The following MOB3B variants were observed in gnomAD, a reference collection of about 807,000 sequenced individuals.
The protein encoded by MOB3B is MOB kinase activator 3B.
A neutral mutation model predicts 18.7 loss-of-function variants in MOB3B; 7 were observed. The ratio of observed to expected loss-of-function variants is 0.37; its 90% CI spans 0.21 to 0.70. MOB3B has a LOEUF of 0.70. Ranked by LOEUF, MOB3B falls within the 30% of genes least tolerant of loss-of-function variation. The probability of loss-of-function intolerance (pLI) is 0.52; values close to 1 mark genes in which losing one functional copy is unlikely to be tolerated. For synonymous variants in MOB3B, 111 were observed against 99.9 expected (o/e 1.11, Z -0.66); for missense variants, 253 against 281.3 (o/e 0.90, Z 0.72).
chr9:27,372,238 A>G (rs1041289579), intron 2 of MOB3B, among the ~76,000 whole-genome samples: 1 of 152,246 alleles, frequency 6.6e-6, no homozygotes, highest in African/African-American at 2.4e-5. Flanking sequence ...CCAACCTGAA[A>G]GAGCTCCGGA....
intron 2 of MOB3B, among the ~76,000 whole-genome samples, chr9:27,372,651 C>T (rs1036012570): frequency 1.3e-5 from 2 of 152,162 alleles, no homozygotes; most frequent in Admixed American, 1.3e-4. Context: ...TAAGCCCTAT[C>T]TAACCATAAA....
intron 1 of MOB3B, among the ~76,000 whole-genome samples, chr9:27,469,811 C>G (rs377582036): frequency 6.6e-6 from 1 of 152,140 alleles, no homozygotes; most frequent in African/African-American, 2.4e-5. Flanking sequence ...TCGTGCCAGG[C>G]GTGGTAGCTG....
intron 2 of MOB3B, among the ~76,000 whole-genome samples, chr9:27,412,654 C>T (rs1822088229): frequency 6.6e-6 from 1 of 152,078 alleles, no homozygotes; most frequent in South Asian, 2.1e-4. Context: ...AAAAATAAAG[C>T]AAACATTCTT....
chr9:27,384,597 G>A (rs1173281876), intron 2 of MOB3B, among the ~76,000 whole-genome samples: 1 of 152,118 alleles, frequency 6.6e-6, no homozygotes, highest in African/African-American at 2.4e-5. Flanking sequence ...AATTCTTCCA[G>A]AACAATTCCA....
chr9:27,373,348 A>G (rs1157861575), intron 2 of MOB3B, among the ~76,000 whole-genome samples: 1 of 152,194 alleles, frequency 6.6e-6, no homozygotes, highest in African/African-American at 2.4e-5. Context: ...CCCACTATAC[A>G]CCCTTTGTTT....
chr9:27,463,438 A>G (rs1428328116), intron 1 of MOB3B, among the ~76,000 whole-genome samples: 1 of 152,164 alleles, frequency 6.6e-6, no homozygotes, highest in East Asian at 1.9e-4. Flanking sequence ...GTTAAAGAAA[A>G]AAAACAAAAC....
chr9:27,480,547 G>C (rs917976389), intron 1 of MOB3B, among the ~76,000 whole-genome samples: 2 of 152,088 alleles, frequency 1.3e-5, no homozygotes, highest in Non-Finnish European at 2.9e-5. Context: ...TGATCCGACT[G>C]CCTCAGCCTC....
At chr9:27,437,070 G>A (rs539752027) in intron 2 of MOB3B, among the ~76,000 whole-genome samples, 7 of 152,218 alleles carry the variant, frequency 4.6e-5, no homozygotes, top group African/African-American at 1.7e-4. Flanking sequence ...AAGTCCAGCA[G>A]GCAAGGGGAA....
Position 27,515,220 on chromosome 9 carries a change from C to T in MOB3B, c.-199+14335G>A, listed in dbSNP as rs547747725. Among the ~76,000 whole-genome samples, 9 of 152,252 alleles carry T rather than the reference C, an allele frequency of 5.9e-5. No individual in the cohort carries two copies. In the South Asian group the frequency reaches 8.3e-4, roughly 14 times the overall value. ...TGTTGTTTTCCCTCAATTCTGATTT[C>T]GTTAACTAATCTTTGTTCTCTTGTA... On this transcript the variant is annotated intron_variant, in intron 1 of 3. Coordinates refer to ENST00000262244, the MANE Select transcript of MOB3B (RefSeq NM_024761.5).
At chr9:27,524,362 A>G in intron 1 of MOB3B, 1 of 1,612,632 alleles carries the variant, frequency 6.2e-7, no homozygotes, top group Non-Finnish European at 8.5e-7. Context: ...GATATGATTC[A>G]AAAGTGTTTG....
At chr9:27,397,378 C>G (rs999012811) in intron 2 of MOB3B, 1 of 151,432 alleles carries the variant, frequency 6.6e-6, no homozygotes, top group East Asian at 1.9e-4. Flanking sequence ...ATCTATTGAA[C>G]CACAGCATAG....
At chr9:27,415,659 C>T (rs767228908) in intron 2 of MOB3B, among the ~76,000 whole-genome samples, 2 of 152,124 alleles carry the variant, frequency 1.3e-5, no homozygotes, top group African/African-American at 4.8e-5. Context: ...GCTAGCAGAG[C>T]CCCATCAGCT....
At chr9:27,337,134 A>T (rs947775917) in intron 3 of MOB3B, among the ~76,000 whole-genome samples, 1 of 152,210 alleles carries the variant, frequency 6.6e-6, no homozygotes, top group African/African-American at 2.4e-5. Context: ...CAGAAGCCAC[A>T]TTTCTGGCTG....
At chr9:27,375,912 A>G (rs1240734068) in intron 2 of MOB3B, among the ~76,000 whole-genome samples, 1 of 152,242 alleles carries the variant, frequency 6.6e-6, no homozygotes, top group African/African-American at 2.4e-5. Context: ...ATTTACAAGA[A>G]TAGGTGACTG....
chr9:27,511,391 C>T (rs1389790614), intron 1 of MOB3B, among the ~76,000 whole-genome samples: 2 of 152,144 alleles, frequency 1.3e-5, no homozygotes, highest in Non-Finnish European at 2.9e-5. Context: ...ATTGTCCATC[C>T]TGCAGCATTC....
rs2131325172 is a variant in MOB3B at position 27,327,519 on chromosome 9, C to T, written c.*3068G>A. 1 of 152,064 alleles carries T rather than the reference C, an allele frequency of 6.6e-6. No individual in the cohort carries two copies. Among genetic ancestry groups the T allele is most frequent in the East Asian group, 1.9e-4 (1 of 5,178 alleles). The allele number at this position is 152,064 out of a possible 1,614,324, so 9.4% of individuals were successfully genotyped here. ...GACATTCCACAAACTTGCCTGAACT[C>T]TTTAATAATGTCAGTGTCATGAAAG... On this transcript the variant is annotated 3_prime_UTR_variant, in exon 4 of 4. Transcript: ENST00000262244.
At chr9:27,499,846 C>T (rs768542075) in intron 1 of MOB3B, among the ~76,000 whole-genome samples, 2 of 152,030 alleles carry the variant, frequency 1.3e-5, no homozygotes, top group Non-Finnish European at 2.9e-5. Flanking sequence ...TTGTTTGCAA[C>T]TTTCAGAACA....
intron 1 of MOB3B, among the ~76,000 whole-genome samples, chr9:27,494,359 C>T (rs528706838): frequency 6.6e-6 from 1 of 152,314 alleles, no homozygotes; most frequent in South Asian, 2.1e-4. Flanking sequence ...ACTCCCTCCC[C>T]TTTTGAAAAT....
intron 2 of MOB3B, among the ~76,000 whole-genome samples, chr9:27,441,796 C>A (rs1822598421): frequency 6.6e-6 from 1 of 152,148 alleles, no homozygotes; most frequent in Admixed American, 6.5e-5. Flanking sequence ...CCAACATAGT[C>A]TAGTGCCTAC....
Sources: allele counts gnomAD v4.1 joint callset (sites outside exome capture counted in the v4.1 genomes callset), GRCh38; gene constraint gnomAD v4.1.1; transcripts MANE v1.5; gene names NCBI Gene and HGNC (gene_info 2026-07-23, HGNC 2026-07-21).